Variants in RIC1 observed in about 807,000 individuals in gnomAD.
The protein encoded by RIC1 is guanine nucleotide exchange factor subunit RIC1.
Under a neutral mutation model 169.0 loss-of-function variants are expected in RIC1, and 88 were observed. The observed-to-expected ratio is 0.52, with a 90% confidence interval of 0.44 to 0.62. The LOEUF is 0.62. RIC1 is among the 20% of genes least tolerant of loss of function. The pLI, the probability that RIC1 is intolerant of heterozygous loss-of-function variation, is 0.00. For synonymous variants in RIC1, 790 were observed against 601.5 expected, an observed-to-expected ratio of 1.31 and a Z score of -4.59; for missense variants, 1,877 against 1,725.5, an observed-to-expected ratio of 1.09 and a Z score of -1.56.
chr9:5,706,089 G>T (rs1270704563), intron 3 of RIC1, among the ~76,000 whole-genome samples: 1 of 152,082 alleles, frequency 6.6e-6, no homozygotes, highest in Non-Finnish European at 1.5e-5. Flanking sequence ...TATTCATAAG[G>T]TATATTGAGC....
intron 6 of RIC1, among the ~76,000 whole-genome samples, chr9:5,722,805 G>T (rs1399133654): frequency 6.6e-6 from 1 of 152,124 alleles, no homozygotes; most frequent in East Asian, 1.9e-4. Flanking sequence ...AGAACATACG[G>T]TGTTTGGTTT....
At chr9:5,656,751 T>C in intron 2 of RIC1, 61 bp downstream of exon 2, 1 of 945,684 alleles carries the variant, frequency 1.1e-6, no homozygotes, top group Non-Finnish European at 1.7e-6. Flanking sequence ...GCATTTAAAT[T>C]TGATTCTCTT....
chr9:5,761,166 T>G (rs1168872660), intron 17 of RIC1, among the ~76,000 whole-genome samples: 1 of 131,926 alleles, frequency 7.6e-6, no homozygotes, highest in Non-Finnish European at 1.5e-5. Flanking sequence ...CAGGCTAGAG[T>G]GCAATGGTGC....
chr9:5,693,966 A>G (rs1331702420), intron 3 of RIC1, among the ~76,000 whole-genome samples: 2 of 152,012 alleles, frequency 1.3e-5, no homozygotes, highest in Non-Finnish European at 2.9e-5. Flanking sequence ...TATATAGTAA[A>G]GATACTGGTC....
At position 5,772,936 on chromosome 9, in the gene RIC1, G is replaced by A. The variant is rs751634693; in HGVS notation, c.3839G>A (p.Cys1280Tyr). The stretch of plus-strand genomic sequence containing the variant: ...ATGGAGGCAGGGTGCCTAGACTGGT[G>A]CATCGTTATAGGCCTGATTCTTAGA... ...IFMEAGCLDWCIVIGLILRES... is the reference protein window; with the variant it reads ...IFMEAGCLDWYIVIGLILRES... Residue 1280 changes from cysteine to tyrosine, a missense_variant, in exon 25 of 26, where the codon TGC becomes TAC. Cys to Tyr is a radical substitution (Grantham distance 194). Coordinates refer to ENST00000414202, the MANE Select transcript of RIC1 (RefSeq NM_020829.4). The A allele has an allele frequency of 6.2e-7, 1 of 1,613,722 alleles. No homozygotes were observed. Among genetic ancestry groups the A allele is most frequent in the Non-Finnish European group, 8.5e-7 (1 of 1,179,800 alleles).
chr9:5,643,332 T>C (rs183082184), intron 1 of RIC1, among the ~76,000 whole-genome samples: 1 of 152,258 alleles, frequency 6.6e-6, no homozygotes, highest in East Asian at 1.9e-4. Flanking sequence ...TCATAGATCA[T>C]GTCAATATAA....
At chr9:5,654,403 T>A (rs1049524483) in intron 1 of RIC1, among the ~76,000 whole-genome samples, 5 of 152,076 alleles carry the variant, frequency 3.3e-5, no homozygotes, top group African/African-American at 1.2e-4. Flanking sequence ...ACTGCCACCA[T>A]GTCCAGCTAA....
At chr9:5,749,215 G>A (rs1168395869) in intron 12 of RIC1, among the ~76,000 whole-genome samples, 2 of 152,180 alleles carry the variant, frequency 1.3e-5, no homozygotes, top group Non-Finnish European at 2.9e-5. Flanking sequence ...GAGGTACTGA[G>A]CATTAAATCA....
chr9:5,742,043 T>C lies in RIC1; in HGVS notation c.902-826T>C, dbSNP rs12115289. 3.9e-3 allele frequency among the ~76,000 whole-genome samples: 590 copies of C among 152,324 alleles called. 6 individuals carry two copies. Among genetic ancestry groups the C allele is most frequent in the African/African-American group, 0.014 (568 of 41,564 alleles). ...CACAAATTACAAATCAGAGTGAGGG[T>C]TTGTGGCTTCAGATTATCAAGGGAG... On this transcript the variant is annotated intron_variant, in intron 8 of 25. Coordinates refer to ENST00000414202, the MANE Select transcript of RIC1 (RefSeq NM_020829.4).
intron 1 of RIC1, among the ~76,000 whole-genome samples, chr9:5,640,075 A>G (rs1417336475): frequency 1.3e-5 from 2 of 152,110 alleles, no homozygotes; most frequent in South Asian, 2.1e-4. Flanking sequence ...ATTCAATGCT[A>G]TTATTGATAA....
At position 5,671,696 on chromosome 9, in the gene RIC1, G is replaced by A. The variant is rs147160813; in HGVS notation, c.252+15006G>A. 3.7e-3 allele frequency among the ~76,000 whole-genome samples: 565 copies of A among 152,308 alleles called. 1 individual carries two copies. Among genetic ancestry groups the A allele is most frequent in the African/African-American group, 0.013 (539 of 41,562 alleles). Reference sequence around the variant, plus strand: ...GTTTAAGTTAATTTCTAAATTCTGAGAAGATAGAAGGACTAAGCCCCCATT... The same window carrying A: ...GTTTAAGTTAATTTCTAAATTCTGAAAAGATAGAAGGACTAAGCCCCCATT... On this transcript the variant is annotated intron_variant, in intron 2 of 25. Transcript: ENST00000414202.
At chr9:5,675,878 T>C (rs925590745) in intron 2 of RIC1, among the ~76,000 whole-genome samples, 4 of 152,228 alleles carry the variant, frequency 2.6e-5, no homozygotes, top group African/African-American at 9.6e-5. Context: ...ACAGCACATT[T>C]GCAGTCAGTG....
chr9:5,680,243 C>T (rs1820734348), intron 2 of RIC1, among the ~76,000 whole-genome samples: 1 of 152,258 alleles, frequency 6.6e-6, no homozygotes, highest in African/African-American at 2.4e-5. Context: ...TTCAGTTTGC[C>T]AGTATTTTAT....
chr9:5,757,228 A>T, intron 16 of RIC1, 85 bp from the exon 17 acceptor site: 1 of 1,452,004 alleles, frequency 6.9e-7, no homozygotes, highest in Non-Finnish European at 9.6e-7. Context: ...CATAAGCATG[A>T]AATCTAATAC....
intron 15 of RIC1, 62 bp downstream of exon 15, chr9:5,754,992 A>C: frequency 9.9e-7 from 1 of 1,014,898 alleles, no homozygotes; most frequent in Non-Finnish European, 1.4e-6. Flanking sequence ...GCATGAATTA[A>C]TTTTATATAG....
At chr9:5,762,035 A>G (rs1327963605) in intron 17 of RIC1, among the ~76,000 whole-genome samples, 1 of 152,130 alleles carries the variant, frequency 6.6e-6, no homozygotes, top group Non-Finnish European at 1.5e-5. Flanking sequence ...GGCTTTCTGA[A>G]TCCTCCTTGA....
At chr9:5,676,294 A>G (rs186595169) in intron 2 of RIC1, among the ~76,000 whole-genome samples, 1 of 152,322 alleles carries the variant, frequency 6.6e-6, no homozygotes, top group Non-Finnish European at 1.5e-5. Context: ...CTTTTCCTCA[A>G]ATGTATTCTA....
intron 2 of RIC1, among the ~76,000 whole-genome samples, chr9:5,682,139 G>T (rs1010620181): frequency 2.0e-5 from 3 of 152,124 alleles, no homozygotes; most frequent in Admixed American, 6.5e-5. Flanking sequence ...CTTTTAATTG[G>T]AGCATTTAGC....
intron 6 of RIC1, among the ~76,000 whole-genome samples, chr9:5,729,973 A>C (rs1824262583): frequency 6.6e-6 from 1 of 152,184 alleles, no homozygotes; most frequent in Admixed American, 6.5e-5. Context: ...CTTTAGAGTT[A>C]GTACAAAATA....
Sources: gnomAD v4.1 joint callset for allele counts (sites outside exome capture counted in the v4.1 genomes callset) on GRCh38, gnomAD v4.1.1 for gene constraint, MANE v1.5 for transcripts, NCBI Gene and HGNC (gene_info 2026-07-23, HGNC 2026-07-21) for gene names.